Variants in ELAPOR1 observed in about 807,000 individuals in gnomAD.
The protein encoded by ELAPOR1 is endosome/lysosome-associated apoptosis and autophagy regulator 1.
ELAPOR1 carries 77 observed loss-of-function variants against 119.7 expected under a neutral mutation model. The observed-to-expected ratio is 0.64, with a 90% confidence interval of 0.54 to 0.78. The LOEUF (loss-of-function observed/expected upper bound fraction) is 0.78. ELAPOR1 is among the 30% of genes least tolerant of loss of function. The pLI is 0.00. For synonymous variants in ELAPOR1, 481 were observed against 487.2 expected (o/e 0.99, Z 0.17); for missense variants, 1,115 against 1,270.4 (o/e 0.88, Z 1.86).
Position 109,161,983 on chromosome 1 carries a change from C to G in ELAPOR1, c.243C>G (p.Ser81Arg). 1.2e-6 allele frequency: 2 copies of G among 1,613,606 alleles called. No individual in the cohort carries two copies. Among genetic ancestry groups the G allele is most frequent in the Non-Finnish European group, 1.7e-6 (2 of 1,179,590 alleles). The change falls in exon 2 of 22, where the codon AGC (serine) becomes AGG (arginine). Residue 81 changes from serine (S) to arginine (R), a missense_variant. Ser to Arg is a moderately radical substitution (Grantham distance 110). Transcript: ENST00000369939. ...CGCATACCCCGGGCCTGTGCACCAG[C>G]CTGCCTGACCCCATCAAGGGCACCG... The part of the protein sequence containing the change: ...AVPHTPGLCT[S>R]LPDPIKGTEC...
In ELAPOR1 at chr1:109,161,916, C is replaced by T. The variant is rs930067186; in HGVS notation, c.176C>T (p.Thr59Met). The change falls in exon 2 of 22, where the codon ACG (threonine) becomes ATG (methionine). Residue 59 changes from threonine to methionine, a missense_variant. Physicochemically the swap from Thr to Met is moderately conservative, Grantham distance 81. Transcript: ENST00000369939. ...CAGTCTGAGTACCACTATGAGTACA[C>T]GGCGTGTGACAGCACGGGTTCCAGG... The part of the protein sequence containing the change: ...CKESEYHYEY[T>M]ACDSTGSRWR... 3.7e-6 allele frequency: 6 copies of T among 1,613,688 alleles called. No individual in the cohort carries two copies. The highest frequency in any genetic ancestry group is 1.6e-4 in the Middle Eastern group (1 of 6,062).
At chr1:109,170,931 C>T (rs966109669) in intron 3 of ELAPOR1, among the ~76,000 whole-genome samples, 9 of 152,152 alleles carry the variant, frequency 5.9e-5, no homozygotes, top group South Asian at 2.1e-4. Flanking sequence ...CAGGGTTCTC[C>T]GGCCCTCCTT....
chr1:109,172,754 T>TAGC (rs1332497398), intron 5 of ELAPOR1, among the ~76,000 whole-genome samples, 186 bp downstream of exon 5: 1 of 152,190 alleles, frequency 6.6e-6, no homozygotes, highest in Admixed American at 6.5e-5. Flanking sequence ...AGCTGACTTG[T>TAGC]AGCTTCTATG....
At chr1:109,154,851 G>A (rs925596571) in intron 1 of ELAPOR1, among the ~76,000 whole-genome samples, 1 of 152,180 alleles carries the variant, frequency 6.6e-6, no homozygotes, top group Non-Finnish European at 1.5e-5. Context: ...ACCATCACTT[G>A]GAAGAGAAAT....
chr1:109,184,858 C>T (rs1652950019), intron 7 of ELAPOR1, among the ~76,000 whole-genome samples, 187 bp from the exon 8 acceptor site: 1 of 152,174 alleles, frequency 6.6e-6, no homozygotes, highest in Non-Finnish European at 1.5e-5. Context: ...GAAGCTTGAG[C>T]AGGGTTGGGG....
intron 1 of ELAPOR1, among the ~76,000 whole-genome samples, chr1:109,153,181 T>C (rs1411427854): frequency 4.6e-5 from 7 of 152,090 alleles, no homozygotes; most frequent in African/African-American, 1.7e-4. Context: ...ATAGGTTTTA[T>C]AAATTTACCA....
At chr1:109,181,041 C>G (rs1652663064) in intron 7 of ELAPOR1, among the ~76,000 whole-genome samples, 1 of 152,152 alleles carries the variant, frequency 6.6e-6, no homozygotes, top group Admixed American at 6.5e-5. Flanking sequence ...CTCCAATTGA[C>G]AAAACATGAT....
chr1:109,185,560 T>C (rs74113787), intron 8 of ELAPOR1, among the ~76,000 whole-genome samples: 21,428 of 152,224 alleles, frequency 0.14, 1,773 homozygotes, highest in Middle Eastern at 0.21. Flanking sequence ...TTTCTGCTGC[T>C]TCTCTTTCCT....
Position 109,155,185 on chromosome 1 carries a change from A to AT in ELAPOR1, c.154-6708dup, listed in dbSNP as rs768490117. The stretch of plus-strand genomic sequence containing the variant: ...GATGAGTGAACATCATTATATATAT[A>AT]TATTTTTTTGAGACGGAGGCTCACT... On this transcript the variant is annotated intron_variant, in intron 1 of 21. Coordinates refer to ENST00000369939, the MANE Select transcript of ELAPOR1 (RefSeq NM_020775.5). 8.3e-3 allele frequency among the ~76,000 whole-genome samples: 1,264 copies of AT among 152,048 alleles called. 14 individuals are homozygous for AT. Among genetic ancestry groups the AT allele is most frequent in the African/African-American group, 0.028 (1,160 of 41,450 alleles).
intron 2 of ELAPOR1, among the ~76,000 whole-genome samples, chr1:109,163,837 G>GCAGAGGC (rs1651412991): frequency 1.3e-5 from 2 of 152,154 alleles, no homozygotes; most frequent in Admixed American, 1.3e-4. Context: ...AACCAGAAAG[G>GCAGAGGC]CAGAGGCCAG....
Position 109,191,744 on chromosome 1 carries a change from A to G in ELAPOR1, c.1564A>G (p.Asn522Asp). Residue 522 changes from asparagine to aspartate, a missense_variant, in exon 13 of 22, where the codon AAC (asparagine) becomes GAC (aspartate). Transcript: ENST00000369939. ...YFMVGVNSRT[N>D]TPVETWKGSK... ...GGTTCAGGGTGTGAATTCTAGGACC[A>G]ACACTCCTGTGGAGACGTGGAAAGG... The G allele has an allele frequency of 6.2e-7, 1 of 1,614,222 alleles. No individual in the cohort carries two copies. The highest frequency in any genetic ancestry group is 1.1e-5 in the South Asian group (1 of 91,082).
intron 1 of ELAPOR1, among the ~76,000 whole-genome samples, chr1:109,158,835 A>G (rs760944570): frequency 1.3e-5 from 2 of 151,648 alleles, no homozygotes; most frequent in Admixed American, 6.6e-5. Flanking sequence ...AACGCTGAAT[A>G]TAATTGAGGA....
At chr1:109,195,459 A>ATG (rs1653728742) in intron 15 of ELAPOR1, among the ~76,000 whole-genome samples, 1 of 151,464 alleles carries the variant, frequency 6.6e-6, no homozygotes, top group South Asian at 2.1e-4. Context: ...ACGCCACTAC[A>ATG]CTCCAGCCTG....
rs577339009 is a variant in ELAPOR1, at chr1:109,120,374, G to A, written c.153+6038G>A. ...ATCACGCCACTGTACTCCAGCCTGC[G>A]TGACAGAGCAAGACTCTGTCTTAAA... On this transcript the variant is annotated intron_variant, in intron 1 of 21. Coordinates refer to ENST00000369939, the MANE Select transcript of ELAPOR1 (RefSeq NM_020775.5). 5.8e-4 allele frequency among the ~76,000 whole-genome samples: 87 copies of A among 148,884 alleles called. 1 individual carries two copies. The highest frequency in any genetic ancestry group is 1.0e-3 in the Non-Finnish European group (71 of 67,952).
At chr1:109,151,911 C>A (rs923591494) in intron 1 of ELAPOR1, among the ~76,000 whole-genome samples, 7 of 148,792 alleles carry the variant, frequency 4.7e-5, no homozygotes, top group African/African-American at 1.7e-4. Context: ...TCTCACTCTG[C>A]CACCCAGGCT....
In ELAPOR1 at chr1:109,189,572, C is replaced by T. The variant is rs376971963; in HGVS notation, c.1349-20C>T. 45 of 1,609,418 alleles carry T rather than the reference C, an allele frequency of 2.8e-5. No individual in the cohort carries two copies. Among genetic ancestry groups the T allele is most frequent in the Non-Finnish European group, 3.7e-5 (44 of 1,176,148 alleles). On this transcript the variant is annotated intron_variant, in intron 10 of 21. Coordinates refer to ENST00000369939, the MANE Select transcript of ELAPOR1 (RefSeq NM_020775.5). ...TGCACCCAAGAGCACAAGGCATTAA[C>T]TCTCCTCTTTCCTTTTCAGGCTGGG...
chr1:109,134,185 C>A (rs1649319093), intron 1 of ELAPOR1, among the ~76,000 whole-genome samples: 1 of 152,192 alleles, frequency 6.6e-6, no homozygotes, highest in South Asian at 2.1e-4. Context: ...CCTTTAGATT[C>A]TGTTCTTTTC....
At chr1:109,172,395 A>G (rs768787186) in intron 4 of ELAPOR1, 93 bp from the exon 5 acceptor site, 7 of 909,180 alleles carry the variant, frequency 7.7e-6, no homozygotes, top group Non-Finnish European at 1.2e-5. Context: ...TCCCATATAA[A>G]GAAGGGCCCT....
chr1:109,142,346 T>C (rs1649881508), intron 1 of ELAPOR1, among the ~76,000 whole-genome samples: 1 of 152,192 alleles, frequency 6.6e-6, no homozygotes, highest in South Asian at 2.1e-4. Flanking sequence ...TAGGAGTAAA[T>C]GGATACTGTC....
Sources: gnomAD v4.1 joint callset for allele counts (sites outside exome capture counted in the v4.1 genomes callset) on GRCh38, gnomAD v4.1.1 for gene constraint, MANE v1.5 for transcripts, NCBI Gene and HGNC (gene_info 2026-07-23, HGNC 2026-07-21) for gene names.